SYNE2: variants seen among roughly 807,000 people sequenced by gnomAD.
SYNE2 encodes the protein nesprin-2.
SYNE2 carries 431 observed loss-of-function variants against 856.3 expected under a neutral mutation model. That is an observed-to-expected ratio of 0.50 (90% CI 0.47 to 0.55). SYNE2 has a LOEUF of 0.55. Ranked by LOEUF, SYNE2 falls within the 20% of genes least tolerant of loss-of-function variation. The pLI, the probability that SYNE2 is intolerant of heterozygous loss-of-function variation, is 0.00. For synonymous variants in SYNE2, 2,923 were observed against 2,872.3 expected (o/e 1.02, Z -0.56); for missense variants, 8,129 against 8,023.2 (o/e 1.01, Z -0.50).
chr14:63,955,003 G>A (rs2153436878), intron 8 of SYNE2, 88 bp downstream of exon 8: 1 of 1,101,710 alleles, frequency 9.1e-7, no homozygotes, highest in South Asian at 1.3e-5. Context: ...AATAAACATA[G>A]TGGCACTCTA....
chr14:63,837,491 C>T (rs1255804449), intron 1 of SYNE2, among the ~76,000 whole-genome samples: 1 of 152,122 alleles, frequency 6.6e-6, no homozygotes, highest in Non-Finnish European at 1.5e-5. Context: ...AGGACATCAT[C>T]AATACAATGA....
chr14:64,089,458 A>G (rs2097590133), intron 58 of SYNE2, 116 bp from the exon 59 acceptor site: 4 of 876,468 alleles, frequency 4.6e-6, no homozygotes, highest in Admixed American at 2.4e-5. Context: ...TTTCAGAGGT[A>G]TAGATGGCAG....
intron 1 of SYNE2, among the ~76,000 whole-genome samples, chr14:63,908,095 T>A (rs2095429998): frequency 1.3e-5 from 2 of 152,174 alleles, no homozygotes; most frequent in Admixed American, 1.3e-4. Context: ...TGTTTAATAT[T>A]TAATATGATT....
At chr14:64,134,951 C>G (rs985228832) in intron 78 of SYNE2, among the ~76,000 whole-genome samples, 1 of 152,098 alleles carries the variant, frequency 6.6e-6, no homozygotes, top group South Asian at 2.1e-4. Flanking sequence ...CATGCCATTG[C>G]GCTCCAGCCT....
At chr14:63,930,932 T>C (rs2095745950) in intron 2 of SYNE2, among the ~76,000 whole-genome samples, 2 of 152,182 alleles carry the variant, frequency 1.3e-5, no homozygotes, top group Non-Finnish European at 2.9e-5. Context: ...CCCTGATTTA[T>C]AGCCAAGTCA....
chr14:64,039,305 G>A (rs1187288696), intron 45 of SYNE2, among the ~76,000 whole-genome samples: 1 of 152,220 alleles, frequency 6.6e-6, no homozygotes, highest in Non-Finnish European at 1.5e-5. Flanking sequence ...GCCCCTGAAT[G>A]GGAAAAGGGA....
At chr14:63,800,315 C>T (rs929008932) in intron 1 of SYNE2, among the ~76,000 whole-genome samples, 5 of 152,034 alleles carry the variant, frequency 3.3e-5, no homozygotes, top group Non-Finnish European at 5.9e-5. Flanking sequence ...CTGCCTCCCA[C>T]GTTCAAGTGA....
chr14:64,000,202 G>A (rs1469968921), intron 27 of SYNE2, among the ~76,000 whole-genome samples: 1 of 152,148 alleles, frequency 6.6e-6, no homozygotes, highest in Non-Finnish European at 1.5e-5. Context: ...TTTTCTTTTA[G>A]TTTAGAAGGT....
At chr14:63,999,952 G>A (rs1456450961) in intron 27 of SYNE2, among the ~76,000 whole-genome samples, 2 of 152,152 alleles carry the variant, frequency 1.3e-5, no homozygotes, top group Admixed American at 1.3e-4. Flanking sequence ...GTCTTGAGAC[G>A]TTTCTCCAGT....
At chr14:63,970,088 T>G (rs1244718518) in intron 11 of SYNE2, among the ~76,000 whole-genome samples, 1 of 152,220 alleles carries the variant, frequency 6.6e-6, no homozygotes, top group Admixed American at 6.5e-5. Context: ...ATAGTACATC[T>G]TTTTCCTTCA....
rs1220061675 is a variant in SYNE2, at chr14:64,210,000, ACCGGCGGCTGGC to A, written c.18604_18615del (p.Arg6202_Arg6205del). 6.2e-7 allele frequency: 1 copy of A among 1,614,148 alleles called. No individual in the cohort carries two copies. Among genetic ancestry groups the A allele is most frequent in the East Asian group, 2.2e-5 (1 of 44,876 alleles). ...CAGCTGGAGCTCATCAACAAGCAGT[ACCGGCGGCTGGC>A]CCGGGAGAACCGCACAGACACGGCC... is the stretch of plus-strand genomic sequence containing the variant. On this transcript the variant is annotated inframe_deletion, in exon 103 of 116. Coordinates refer to ENST00000555002, the MANE Select transcript of SYNE2 (RefSeq NM_182914.3).
intron 7 of SYNE2, among the ~76,000 whole-genome samples, chr14:63,951,509 C>T (rs1257507005): frequency 1.3e-5 from 2 of 152,064 alleles, no homozygotes; most frequent in African/African-American, 4.8e-5. Context: ...ATCAGGTTGG[C>T]CCAGGCTGGT....
At chr14:63,841,251 A>G (rs1890058402) in intron 1 of SYNE2, among the ~76,000 whole-genome samples, 1 of 152,082 alleles carries the variant, frequency 6.6e-6, no homozygotes. Flanking sequence ...GCATTCTGAG[A>G]TTGATGTTGG....
intron 100 of SYNE2, chr14:64,207,975 G>A (rs2098616389): frequency 8.8e-6 from 4 of 456,068 alleles, no homozygotes; most frequent in Non-Finnish European, 1.8e-5. Context: ...ATGGGGTACA[G>A]CAGAAATATT....
At chr14:63,950,108 A>C in intron 7 of SYNE2, 102 bp downstream of exon 7, 128 of 1,241,054 alleles carry the variant, frequency 1.0e-4, no homozygotes, top group Non-Finnish European at 1.4e-4. Flanking sequence ...GAAAATTCTC[A>C]CTATCCCCCT....
chr14:63,953,379 G>A lies in SYNE2; in HGVS notation c.591-1340G>A, dbSNP rs528705104. On this transcript the variant is annotated intron_variant, in intron 7 of 115. Coordinates refer to ENST00000555002, the MANE Select transcript of SYNE2 (RefSeq NM_182914.3). ...GGGTGGCTTTGAGAAACAGGAACAA[G>A]GCTGGTGTGACTGCAACTCTGTAAG... 4.6e-5 allele frequency among the ~76,000 whole-genome samples: 7 copies of A among 152,328 alleles called. No homozygotes were observed. The South Asian group carries it at 1.5e-3, about 32-fold the overall frequency.
chr14:64,067,245 A>G (rs1024064969), intron 51 of SYNE2, among the ~76,000 whole-genome samples: 2 of 152,214 alleles, frequency 1.3e-5, no homozygotes, highest in African/African-American at 4.8e-5. Flanking sequence ...AACAACTACT[A>G]AATTGAGCAA....
intron 1 of SYNE2, among the ~76,000 whole-genome samples, chr14:63,837,720 G>C (rs1889903072): frequency 1.3e-5 from 2 of 151,806 alleles, no homozygotes. Context: ...TTTGAGACCA[G>C]CCTGGGCAAT....
At position 63,980,730 on chromosome 14, in the gene SYNE2, T is replaced by C; in HGVS notation, c.1646T>C (p.Leu549Ser). 1 of 1,588,374 alleles carries C rather than the reference T, an allele frequency of 6.3e-7. No homozygotes were observed. The highest frequency in any genetic ancestry group is 8.6e-7 in the Non-Finnish European group (1 of 1,157,104). Residue 549 changes from leucine to serine, a missense_variant and splice_region_variant, in exon 15 of 116, where the codon TTG becomes TCG. Physicochemically the swap from Leu to Ser is moderately radical, Grantham distance 145. Transcript: ENST00000555002. ...FQKCGEIYKN[L>S]AGECQNINKQ... ...AAATGTGGAGAAATTTATAAGAATT[T>C]GGGTAAAGTGGTTCAGTTACTTTCT...
Sources: gnomAD v4.1 joint callset for allele counts (sites outside exome capture counted in the v4.1 genomes callset) on GRCh38, gnomAD v4.1.1 for gene constraint, MANE v1.5 for transcripts, NCBI Gene and HGNC (gene_info 2026-07-23, HGNC 2026-07-21) for gene names.